The following TBCD variants were observed in gnomAD, a reference collection of about 807,000 sequenced individuals.
TBCD encodes the protein tubulin-specific chaperone D.
In TBCD, 105 loss-of-function variants were observed where a neutral mutation model predicts 169.3. The observed-to-expected ratio is 0.62, with a 90% CI of 0.53 to 0.73. The LOEUF (loss-of-function observed/expected upper bound fraction) is 0.73, where lower values mean the gene tolerates loss of function less well. Ranked by LOEUF, TBCD falls within the 30% of genes least tolerant of loss-of-function variation. The pLI is 0.00. For synonymous variants in TBCD, 700 were observed against 643.9 expected, an observed-to-expected ratio of 1.09 and a Z score of -1.32; for missense variants, 1,444 against 1,600.1, an observed-to-expected ratio of 0.90 and a Z score of 1.66.
chr17:82,804,560 C>T (rs2050813409), intron 9 of TBCD, among the ~76,000 whole-genome samples: 1 of 152,214 alleles, frequency 6.6e-6, no homozygotes, highest in African/African-American at 2.4e-5. Context: ...TGCTTCCATG[C>T]TCCTCATGGG....
At chr17:82,863,967 C>T (rs1390136477) in intron 13 of TBCD, among the ~76,000 whole-genome samples, 2 of 152,208 alleles carry the variant, frequency 1.3e-5, no homozygotes, top group Admixed American at 1.3e-4. Flanking sequence ...TCAGTGACAG[C>T]TGAGTAGATT....
intron 13 of TBCD, among the ~76,000 whole-genome samples, chr17:82,816,272 C>T (rs2677919): frequency 0.45 from 68,671 of 152,028 alleles, 16,520 homozygotes; most frequent in South Asian, 0.64. Context: ...CCACACGCCA[C>T]GTTTTGTCCA....
At chr17:82,927,090 G>C (rs953845002) in intron 28 of TBCD, 96 bp from the exon 29 acceptor site, 1 of 1,557,242 alleles carries the variant, frequency 6.4e-7, no homozygotes, top group Non-Finnish European at 8.7e-7. Context: ...TTCTGAGCGT[G>C]TCTTCTCAGG....
chr17:82,868,235 G>A (rs1016152028), intron 13 of TBCD, among the ~76,000 whole-genome samples: 19 of 152,202 alleles, frequency 1.2e-4, no homozygotes, highest in Non-Finnish European at 2.6e-4. Flanking sequence ...CACACCGGAG[G>A]ACAGCTCTTC....
At chr17:82,862,679 C>T (rs779315925) in intron 13 of TBCD, among the ~76,000 whole-genome samples, 17 of 152,204 alleles carry the variant, frequency 1.1e-4, no homozygotes, top group South Asian at 4.1e-4. Flanking sequence ...ATCTTTAGCA[C>T]GGGAGGGTGA....
At chr17:82,827,229 G>A (rs2052931786) in intron 13 of TBCD, among the ~76,000 whole-genome samples, 1 of 152,256 alleles carries the variant, frequency 6.6e-6, no homozygotes, top group Non-Finnish European at 1.5e-5. Flanking sequence ...AGCAGCTTCA[G>A]TAGGGTGGCC....
In TBCD at chr17:82,923,851, G is replaced by C; in HGVS notation, c.2260+118G>C. 3 of 793,186 alleles carry C rather than the reference G, an allele frequency of 3.8e-6. 1 individual carries two copies. In the Admixed American group the frequency reaches 8.5e-5, roughly 22 times the overall value. The allele number at this position is 793,186 out of a possible 1,614,324, so 49.1% of individuals were successfully genotyped here. On this transcript the variant is annotated intron_variant, in intron 26 of 38. Transcript: ENST00000355528. The surrounding 1 kb of genome is among the most constrained non-coding windows in gnomAD (Gnocchi z 4.6). ...AGTGGAGCAGAGCCACCACGATCAT[G>C]GCTGGAGTGGGACTGTTCGGGTCTC...
At chr17:82,812,667 C>T (rs1195861723) in intron 12 of TBCD, among the ~76,000 whole-genome samples, 2 of 152,232 alleles carry the variant, frequency 1.3e-5, no homozygotes, top group African/African-American at 4.8e-5. Flanking sequence ...GCCGCAGCCC[C>T]CAAGTAGCTG....
At chr17:82,807,992 C>T (rs1295838252) in intron 11 of TBCD, among the ~76,000 whole-genome samples, 74 of 152,222 alleles carry the variant, frequency 4.9e-4, no homozygotes, top group Admixed American at 1.8e-3. Context: ...ATGGGGGTCA[C>T]GGCTCCTACA....
At chr17:82,924,344 A>G (rs77908880) in intron 26 of TBCD, among the ~76,000 whole-genome samples, 8,254 of 152,210 alleles carry the variant, frequency 0.054, 515 homozygotes, top group African/African-American at 0.15. Context: ...CTTCTTTATG[A>G]AAGTAGCATT....
chr17:82,907,194 C>T (rs1026090324), intron 20 of TBCD, among the ~76,000 whole-genome samples: 4 of 152,378 alleles, frequency 2.6e-5, no homozygotes, highest in African/African-American at 9.6e-5. Context: ...TGAGGCAGGG[C>T]TTGGTCCAGG....
At chr17:82,932,786 A>C in intron 34 of TBCD, 51 bp downstream of exon 34, 408 of 1,562,912 alleles carry the variant, frequency 2.6e-4, no homozygotes, top group Non-Finnish European at 3.3e-4. Flanking sequence ...TAAGTAGCTC[A>C]TGTATTAAAG....
At position 82,925,604 on chromosome 17, in the gene TBCD, C is replaced by T. The variant is rs944917531; in HGVS notation, c.2379+547C>T. On this transcript the variant is annotated intron_variant, in intron 27 of 38. Coordinates refer to ENST00000355528, the MANE Select transcript of TBCD (RefSeq NM_005993.5). ...TAGGCCCTGGCCACTGGGTTCCCCA[C>T]GCCCTTCCCTCCCCATGGGATCCAG... Among the ~76,000 whole-genome samples the T allele has an allele frequency of 3.3e-5, 5 of 152,342 alleles. No homozygotes were observed. In the East Asian group the frequency reaches 5.8e-4, roughly 18 times the overall value.
At position 82,942,243 on chromosome 17, in the gene TBCD, A is replaced by G. The variant is rs987684747; in HGVS notation, c.3565-206A>G. 24 of 623,178 alleles carry G rather than the reference A, an allele frequency of 3.9e-5. No individual in the cohort carries two copies. In the African/African-American group the frequency reaches 3.9e-4, roughly 10 times the overall value. The allele number at this position is 623,178 out of a possible 1,614,324, so 38.6% of individuals were successfully genotyped here. Reference sequence around the variant, plus strand: ...GTGAACCTCCCTTCCCGCTCCCCAGATGGGGTGCCCTTCCGAGGACACGTT... The same window carrying G: ...GTGAACCTCCCTTCCCGCTCCCCAGGTGGGGTGCCCTTCCGAGGACACGTT... On this transcript the variant is annotated intron_variant, in intron 38 of 38. Coordinates refer to ENST00000355528, the MANE Select transcript of TBCD (RefSeq NM_005993.5).
intron 6 of TBCD, among the ~76,000 whole-genome samples, chr17:82,774,575 G>A (rs2048472583): frequency 6.6e-6 from 1 of 152,196 alleles, no homozygotes; most frequent in Non-Finnish European, 1.5e-5. Context: ...ACACCTCCCA[G>A]ACGGGGTGGC....
chr17:82,883,281 T>G (rs1293673386), intron 14 of TBCD, among the ~76,000 whole-genome samples: 1 of 152,252 alleles, frequency 6.6e-6, no homozygotes, highest in Non-Finnish European at 1.5e-5. Context: ...GTGTCTGAAA[T>G]TCTGTTTTCC....
chr17:82,937,263 T>G lies in TBCD; in HGVS notation c.3192-8T>G, dbSNP rs532969651. ...AGCTCATCTCTAAAGTGTGTGTTGT[T>G]CTTCCAGCCACCCCTTTGCTGTGAA... On this transcript the variant is annotated splice_polypyrimidine_tract_variant and splice_region_variant and intron_variant, in intron 34 of 38. Coordinates refer to ENST00000355528, the MANE Select transcript of TBCD (RefSeq NM_005993.5). 2 of 1,613,804 alleles carry G rather than the reference T, an allele frequency of 1.2e-6. No individual in the cohort carries two copies. Among genetic ancestry groups the G allele is most frequent in the East Asian group, 2.2e-5 (1 of 44,884 alleles).
At chr17:82,911,902 G>A (rs1434137270) in intron 23 of TBCD, 113 bp downstream of exon 23, 2 of 1,094,050 alleles carry the variant, frequency 1.8e-6, no homozygotes, top group Admixed American at 4.0e-5. Context: ...GAAGGGCTGG[G>A]TGTGTTTCTT....
chr17:82,925,044 G>A lies in TBCD; in HGVS notation c.2366G>A (p.Gly789Asp), dbSNP rs753415681. ...GCCCTTCCAGGCTTCCTTCTGAAAG[G>A]CCGGCTCCAGCAGGTGAGGCTGGCC... The part of the protein sequence containing the change: ...LGALPGFLLK[G>D]RLQQVLTGLR... Residue 789 changes from glycine to aspartate, a missense_variant, in exon 27 of 39, where the codon GGC becomes GAC. Physicochemically the swap from Gly to Asp is moderately conservative, Grantham distance 94. Coordinates refer to ENST00000355528, the MANE Select transcript of TBCD (RefSeq NM_005993.5). 6.4e-7 allele frequency: 1 copy of A among 1,556,392 alleles called. No individual in the cohort carries two copies.
Sources: gnomAD v4.1 joint callset for allele counts (sites outside exome capture counted in the v4.1 genomes callset) on GRCh38, gnomAD v4.1.1 for gene constraint, Gnocchi (gnomAD v3.1) non-coding constraint, MANE v1.5 for transcripts, NCBI Gene and HGNC (gene_info 2026-07-23, HGNC 2026-07-21) for gene names.